The following BABAM2 variants were observed in gnomAD, a reference collection of about 807,000 sequenced individuals.
The protein encoded by BABAM2 is BRISC and BRCA1-A complex member 2.
BABAM2 carries 31 observed loss-of-function variants against 54.7 expected under a neutral mutation model. That is an observed-to-expected ratio of 0.57 (90% CI 0.43 to 0.77). The LOEUF (loss-of-function observed/expected upper bound fraction) is 0.77. BABAM2 is among the 30% of genes least tolerant of loss of function. BABAM2 has a pLI of 0.00. For missense variants in BABAM2, 364 were observed against 455.8 expected, an observed-to-expected ratio of 0.80 and a Z score of 1.83; for synonymous variants, 167 against 162.9, an observed-to-expected ratio of 1.03 and a Z score of -0.19.
intron 4 of BABAM2, among the ~76,000 whole-genome samples, chr2:28,002,607 A>G (rs1275639161): frequency 6.6e-6 from 1 of 152,128 alleles, no homozygotes; most frequent in Non-Finnish European, 1.5e-5. Context: ...AAAGAAATTT[A>G]CTCCTAGACA....
chr2:28,008,869 A>G (rs914356733), intron 4 of BABAM2, among the ~76,000 whole-genome samples: 3 of 152,138 alleles, frequency 2.0e-5, no homozygotes, highest in African/African-American at 4.8e-5. Flanking sequence ...TTGGCTCTCC[A>G]TTGTTGAAGA....
At chr2:28,089,268 G>A (rs6724055) in intron 6 of BABAM2, among the ~76,000 whole-genome samples, 2,213 of 152,162 alleles carry the variant, frequency 0.015, 43 homozygotes, top group African/African-American at 0.05. Context: ...GAGAAATAAA[G>A]CGCGGAAAGC....
At chr2:28,012,628 G>T (rs1440102303) in intron 4 of BABAM2, among the ~76,000 whole-genome samples, 1 of 152,162 alleles carries the variant, frequency 6.6e-6, no homozygotes, top group Non-Finnish European at 1.5e-5. Context: ...AGTCACTCTA[G>T]TACTCTTCAC....
chr2:28,107,137 C>G (rs1667595767), intron 6 of BABAM2, among the ~76,000 whole-genome samples: 1 of 152,082 alleles, frequency 6.6e-6, no homozygotes, highest in Non-Finnish European at 1.5e-5. Flanking sequence ...GCTCCTGCCC[C>G]CTCCCTTGGG....
Position 28,112,146 on chromosome 2 carries a change from T to TTTCTTTCTTTCTTTCTTTCTTTCTTTCC in BABAM2, c.571-17123_571-17122insCTTTCTTTCTTTCTTTCTTTCTTTCCTT, listed in dbSNP as rs1344247281. ...CTTTCTTTCTTTCTTTCTTTCTTTC[T>TTTCTTTCTTTCTTTCTTTCTTTCTTTCC]TTACCTCCCTCCCTCCCTCCCTCCC... On this transcript the variant is annotated intron_variant, in intron 6 of 11. Transcript: ENST00000379624. 1.1e-3 allele frequency among the ~76,000 whole-genome samples: 12 copies of TTTCTTTCTTTCTTTCTTTCTTTCTTTCC among 10,560 alleles called. 4 individuals are homozygous for TTTCTTTCTTTCTTTCTTTCTTTCTTTCC. Among genetic ancestry groups the TTTCTTTCTTTCTTTCTTTCTTTCTTTCC allele is most frequent in the Middle Eastern group, 0.04 (2 of 50 alleles). The allele number at this position is 10,560 out of a possible 152,430, so 6.9% of individuals were successfully genotyped here.
intron 7 of BABAM2, among the ~76,000 whole-genome samples, chr2:28,230,084 A>G (rs1460183809): frequency 6.6e-6 from 1 of 152,178 alleles, no homozygotes; most frequent in East Asian, 1.9e-4. Flanking sequence ...ACTCTCACAG[A>G]GTCCTTACTT....
At chr2:28,314,237 A>G (rs1037222371) in intron 11 of BABAM2, among the ~76,000 whole-genome samples, 1 of 152,230 alleles carries the variant, frequency 6.6e-6, no homozygotes, top group Non-Finnish European at 1.5e-5. Flanking sequence ...TTCTCGTAAC[A>G]ACCTTATGAG....
At chr2:27,890,268 G>C (rs567504415), upstream of BABAM2, 2 of 1,613,712 alleles carry the variant, frequency 1.2e-6, no homozygotes, top group South Asian at 2.2e-5. This position sits in a 1 kb window ranked among gnomAD's most constrained non-coding sequence, Gnocchi z 4.8. Context: ...TGACCAGGTC[G>C]GTCATGCAGG....
intron 4 of BABAM2, among the ~76,000 whole-genome samples, chr2:28,023,514 G>C (rs549488177): frequency 6.6e-6 from 1 of 152,236 alleles, no homozygotes; most frequent in Admixed American, 6.5e-5. Context: ...GGAGTTTCTG[G>C]CTATTGAGGT....
At chr2:28,227,106 G>A (rs1680957669) in intron 7 of BABAM2, among the ~76,000 whole-genome samples, 1 of 152,026 alleles carries the variant, frequency 6.6e-6, no homozygotes, top group African/African-American at 2.4e-5. Flanking sequence ...TTTCAGCAGT[G>A]AACCTGGCTG....
intron 7 of BABAM2, among the ~76,000 whole-genome samples, chr2:28,181,702 A>G (rs1319013799): frequency 6.6e-6 from 1 of 152,202 alleles, no homozygotes; most frequent in Non-Finnish European, 1.5e-5. Flanking sequence ...AGGTTGGTAC[A>G]GAAGTAATTT....
intron 3 of BABAM2, among the ~76,000 whole-genome samples, chr2:27,975,192 C>G (rs1478073641): frequency 6.6e-6 from 1 of 152,010 alleles, no homozygotes; most frequent in Non-Finnish European, 1.5e-5. Context: ...TTAATGTACA[C>G]TATTTAGTGT....
chr2:27,948,893 T>C (rs1459426435), intron 3 of BABAM2, among the ~76,000 whole-genome samples: 1 of 152,256 alleles, frequency 6.6e-6, no homozygotes, highest in Non-Finnish European at 1.5e-5. Flanking sequence ...TTTTCAGAGA[T>C]GCCCTTTATC....
chr2:27,949,923 T>C (rs939272730), intron 3 of BABAM2, among the ~76,000 whole-genome samples: 1 of 152,176 alleles, frequency 6.6e-6, no homozygotes, highest in African/African-American at 2.4e-5. Flanking sequence ...TGTTGCCCTC[T>C]CCTTTTTAAA....
intron 3 of BABAM2, among the ~76,000 whole-genome samples, chr2:27,963,230 G>A (rs1670597244): frequency 1.3e-5 from 2 of 152,176 alleles, no homozygotes. Flanking sequence ...AGCACTTTGG[G>A]AGGCTGAAGC....
chr2:28,168,274 A>G (rs1171369280), intron 7 of BABAM2, among the ~76,000 whole-genome samples: 1 of 152,234 alleles, frequency 6.6e-6, no homozygotes, highest in East Asian at 1.9e-4. Context: ...TTCTTTGGCT[A>G]GTATAAAAGT....
upstream of BABAM2, chr2:27,889,824 T>C (rs72810570): frequency 0.029 from 4,670 of 159,534 alleles, 114 homozygotes; most frequent in South Asian, 0.1. Context: ...ATTTGGATAA[T>C]GTTACGCTTG....
At chr2:28,105,785 T>C (rs1308331193) in intron 6 of BABAM2, among the ~76,000 whole-genome samples, 1 of 152,210 alleles carries the variant, frequency 6.6e-6, no homozygotes, top group Non-Finnish European at 1.5e-5. Context: ...CCAGGTAGAC[T>C]TCTTTGACCA....
At chr2:28,336,876 G>A (rs2148347163) in intron 11 of BABAM2, among the ~76,000 whole-genome samples, 1 of 152,384 alleles carries the variant, frequency 6.6e-6, no homozygotes, top group African/African-American at 2.4e-5. Flanking sequence ...TTCCTGAGCA[G>A]TTTTCTGTTC....
Sources: gnomAD v4.1 joint callset for allele counts (sites outside exome capture counted in the v4.1 genomes callset) on GRCh38, gnomAD v4.1.1 for gene constraint, Gnocchi (gnomAD v3.1) non-coding constraint, MANE v1.5 for transcripts, NCBI Gene and HGNC (gene_info 2026-07-23, HGNC 2026-07-21) for gene names.